Variants in MTHFD1L observed in about 807,000 individuals in gnomAD.
MTHFD1L encodes the protein monofunctional C1-tetrahydrofolate synthase, mitochondrial.
In MTHFD1L, 81 loss-of-function variants were observed where a neutral mutation model predicts 119.5. That is an observed-to-expected ratio of 0.68 (90% CI 0.57 to 0.82). The LOEUF (loss-of-function observed/expected upper bound fraction) is 0.82. Among genes scored for constraint, MTHFD1L ranks in the 40% least tolerant of loss-of-function variants. The pLI, the probability that MTHFD1L is intolerant of heterozygous loss-of-function variation, is 0.00. For synonymous variants in MTHFD1L, 430 were observed against 475.2 expected, an observed-to-expected ratio of 0.90 and a Z score of 1.24; for missense variants, 1,125 against 1,253.4, an observed-to-expected ratio of 0.90 and a Z score of 1.55.
chr6:150,873,008 C>G (rs777416560), intron 1 of MTHFD1L, among the ~76,000 whole-genome samples: 1 of 151,890 alleles, frequency 6.6e-6, no homozygotes, highest in Non-Finnish European at 1.5e-5. Context: ...TGACGATTGC[C>G]GACTTACCTA....
chr6:151,001,562 T>C (rs1304303932), intron 20 of MTHFD1L, among the ~76,000 whole-genome samples: 2 of 152,034 alleles, frequency 1.3e-5, no homozygotes, highest in African/African-American at 4.8e-5. Flanking sequence ...AGCATTGGGG[T>C]CACTCATTTC....
At position 150,922,218 on chromosome 6, in the gene MTHFD1L, G is replaced by T; in HGVS notation, c.998G>T (p.Ser333Ile). The T allele has an allele frequency of 6.2e-7, 1 of 1,614,020 alleles. No individual in the cohort carries two copies. Among genetic ancestry groups the T allele is most frequent in the South Asian group, 1.1e-5 (1 of 91,064 alleles). Residue 333 changes from serine to isoleucine, a missense_variant, in exon 10 of 28, where the codon AGT becomes ATT. Around this residue, in one of 3 missense-constraint regions of MTHFD1L, gnomAD observed 1,058 missense variants for 1,151.2 expected, o/e 0.92. Transcript: ENST00000367321. ...TCCCTGCTGAAGAACATGGTCAGTA[G>T]TGGAAGGAGATGGCTTCGTGAACAG... Reference protein sequence around the residue: ...AALRIQNMVSSGRRWLREQQH... With the variant: ...AALRIQNMVSIGRRWLREQQH...
At chr6:151,058,762 A>G (rs1430448475) in intron 26 of MTHFD1L, among the ~76,000 whole-genome samples, 4 of 152,190 alleles carry the variant, frequency 2.6e-5, no homozygotes, top group Admixed American at 2.6e-4. Context: ...GTATGGACCA[A>G]AGGGTTGTTT....
chr6:150,871,902 C>CGG lies in MTHFD1L; in HGVS notation c.228-4188_228-4187insGG, dbSNP rs1400216164. 1.3e-3 allele frequency among the ~76,000 whole-genome samples: 186 copies of CGG among 148,070 alleles called. 5 individuals are homozygous for CGG. The highest frequency in any genetic ancestry group is 4.4e-3 in the African/African-American group (173 of 39,056). ...TTTTATTTTATTTTATTTTTTGAGA[C>CGG]AGTCTCACTCTTTCACCCAGGCTGG... is the stretch of plus-strand genomic sequence containing the variant. On this transcript the variant is annotated intron_variant, in intron 1 of 27. Coordinates refer to ENST00000367321, the MANE Select transcript of MTHFD1L (RefSeq NM_015440.5).
intron 24 of MTHFD1L, among the ~76,000 whole-genome samples, chr6:151,028,947 T>G (rs1382414475): frequency 6.6e-6 from 1 of 151,788 alleles, no homozygotes; most frequent in Non-Finnish European, 1.5e-5. Flanking sequence ...GGCTTACACC[T>G]GTAGTCATAG....
chr6:151,092,830 CA>C (rs1794575884), intron 27 of MTHFD1L, among the ~76,000 whole-genome samples: 1 of 152,242 alleles, frequency 6.6e-6, no homozygotes, highest in Admixed American at 6.5e-5. Context: ...CAGTGAAAGC[CA>C]AGTTATGTCA....
rs968269167 is a variant in MTHFD1L, at chr6:150,926,126, A to G, written c.1087A>G (p.Ile363Val). The G allele has an allele frequency of 2.5e-6, 4 of 1,612,864 alleles. No individual in the cohort carries two copies. In the African/African-American group the frequency reaches 5.3e-5, roughly 22 times the overall value. Residue 363 changes from isoleucine to valine, a missense_variant, in exon 11 of 28, where the codon ATT (isoleucine) becomes GTT (valine). Coordinates refer to ENST00000367321, the MANE Select transcript of MTHFD1L (RefSeq NM_015440.5). This position sits in a 1 kb window ranked among gnomAD's most constrained non-coding sequence, Gnocchi z 4.3. ...TCGTATTGTCTTTCCCCTCAGTGAC[A>G]TTGAGATTTCAAGAGGACAAACTCC... ...LQPLSPVPSD[I>V]EISRGQTPKA...
At chr6:151,042,462 A>G (rs746351386) in intron 26 of MTHFD1L, among the ~76,000 whole-genome samples, 4 of 152,212 alleles carry the variant, frequency 2.6e-5, no homozygotes, top group Non-Finnish European at 4.4e-5. Flanking sequence ...TTCTACTACA[A>G]ATTACCCTGT....
At chr6:151,024,552 G>A (rs955423251) in intron 24 of MTHFD1L, among the ~76,000 whole-genome samples, 8 of 152,016 alleles carry the variant, frequency 5.3e-5, no homozygotes, top group Admixed American at 2.0e-4. Flanking sequence ...AAAAAGGCCA[G>A]GCACGATGGC....
At chr6:150,935,118 C>T in intron 11 of MTHFD1L, 2 of 1,613,800 alleles carry the variant, frequency 1.2e-6, no homozygotes, top group Admixed American at 1.7e-5. Context: ...ACCATACCTA[C>T]CAAAGGATTT....
At chr6:150,905,911 A>G in intron 8 of MTHFD1L, 150 bp downstream of exon 8, 2 of 637,556 alleles carry the variant, frequency 3.1e-6, no homozygotes, top group African/African-American at 1.8e-5. Context: ...GGGCTACCTG[A>G]TAGAACCATG....
intron 17 of MTHFD1L, among the ~76,000 whole-genome samples, chr6:150,956,958 A>C (rs1241840201): frequency 6.6e-6 from 1 of 152,196 alleles, no homozygotes; most frequent in Non-Finnish European, 1.5e-5. Context: ...CATGCTAGCA[A>C]ACTGGAATCA....
chr6:151,049,486 C>T (rs1403857941), intron 26 of MTHFD1L, among the ~76,000 whole-genome samples: 14 of 113,018 alleles, frequency 1.2e-4, no homozygotes, highest in African/African-American at 3.0e-4. Flanking sequence ...AGCGAGACTC[C>T]GTCTCAAAAA....
intron 8 of MTHFD1L, chr6:150,912,753 T>C (rs765145148): frequency 4.1e-6 from 2 of 488,436 alleles, no homozygotes; most frequent in African/African-American, 3.9e-5. Context: ...TAGATGAGAG[T>C]GTTTAGTGGG....
intron 2 of MTHFD1L, among the ~76,000 whole-genome samples, chr6:150,876,785 G>T (rs1323466340): frequency 1.3e-5 from 2 of 152,200 alleles, no homozygotes; most frequent in Non-Finnish European, 2.9e-5. Flanking sequence ...CAGCCTGACA[G>T]TTGGGCTGCT....
rs1273218212 is a variant in MTHFD1L, at chr6:151,039,998, A to G, written c.2847+2881A>G. ...GAATGGCCTCAGTGATGGCCACTTT[A>G]CTCCTGAGCTTTAGCTGGTGAAAGC... On this transcript the variant is annotated intron_variant, in intron 26 of 27. Coordinates refer to ENST00000367321, the MANE Select transcript of MTHFD1L (RefSeq NM_015440.5). The surrounding 1 kb of genome is among the most constrained non-coding windows in gnomAD (Gnocchi z 4.4). 1.3e-5 allele frequency among the ~76,000 whole-genome samples: 2 copies of G among 152,132 alleles called. No individual in the cohort carries two copies. Among genetic ancestry groups the G allele is most frequent in the African/African-American group, 4.8e-5 (2 of 41,432 alleles).
intron 26 of MTHFD1L, among the ~76,000 whole-genome samples, chr6:151,083,344 C>T (rs546353378): frequency 6.7e-4 from 102 of 152,228 alleles, no homozygotes; most frequent in African/African-American, 2.4e-3. Flanking sequence ...ATTACAGGCA[C>T]CTGCCACCAT....
At chr6:151,022,994 AC>A (rs1784153944) in intron 24 of MTHFD1L, among the ~76,000 whole-genome samples, 2 of 147,062 alleles carry the variant, frequency 1.4e-5, no homozygotes, top group East Asian at 4.0e-4. Context: ...ATCTCCAGAT[AC>A]CCCCTGCTTT....
chr6:150,874,717 C>G (rs1191754015), intron 1 of MTHFD1L, among the ~76,000 whole-genome samples: 1 of 152,034 alleles, frequency 6.6e-6, no homozygotes, highest in Non-Finnish European at 1.5e-5. Context: ...AAGGTAGCCT[C>G]TGCAGTCACT....
Sources: gnomAD v4.1 joint callset for allele counts (sites outside exome capture counted in the v4.1 genomes callset) on GRCh38, gnomAD v4.1.1 for gene constraint, gnomAD v4.1.1 regional missense constraint, Gnocchi (gnomAD v3.1) non-coding constraint, MANE v1.5 for transcripts, NCBI Gene and HGNC (gene_info 2026-07-23, HGNC 2026-07-21) for gene names.